The following SLC30A9 variants were observed in gnomAD, a reference collection of about 807,000 sequenced individuals.
SLC30A9 encodes the protein proton-coupled zinc antiporter SLC30A9, mitochondrial.
Under a neutral mutation model 87.5 loss-of-function variants are expected in SLC30A9, and 58 were observed. That is an observed-to-expected ratio of 0.66 (90% confidence interval 0.54 to 0.82). The LOEUF (loss-of-function observed/expected upper bound fraction) is 0.82. Ranked by LOEUF, SLC30A9 falls within the 40% of genes least tolerant of loss-of-function variation. The pLI is 0.00. For synonymous variants in SLC30A9, 234 were observed against 233.0 expected, an observed-to-expected ratio of 1.00 and a Z score of -0.04; for missense variants, 557 against 679.1, an observed-to-expected ratio of 0.82 and a Z score of 2.00.
At chr4:42,050,570 T>C (rs1717343711) in intron 9 of SLC30A9, among the ~76,000 whole-genome samples, 1 of 152,206 alleles carries the variant, frequency 6.6e-6, no homozygotes, top group South Asian at 2.1e-4. Context: ...TTAAAAAGAA[T>C]GTAGTAGATA....
intron 11 of SLC30A9, 53 bp from the exon 12 acceptor site, chr4:42,065,257 A>C (rs1718034836): frequency 1.1e-6 from 1 of 911,992 alleles, no homozygotes; most frequent in Non-Finnish European, 1.8e-6. Flanking sequence ...ATATATGAAC[A>C]ATTGTGATTG....
At chr4:42,077,252 A>G (rs1421902248) in intron 16 of SLC30A9, among the ~76,000 whole-genome samples, 1 of 152,258 alleles carries the variant, frequency 6.6e-6, no homozygotes, top group African/African-American at 2.4e-5. Flanking sequence ...GTGAAATAGT[A>G]TCTTGTTCTA....
chr4:42,012,269 A>G (rs1715477750), intron 2 of SLC30A9, among the ~76,000 whole-genome samples: 1 of 152,198 alleles, frequency 6.6e-6, no homozygotes, highest in African/African-American at 2.4e-5. Context: ...CTACTGAAGT[A>G]GACTTTTTAC....
chr4:41,996,831 C>G (rs927984002), intron 1 of SLC30A9, among the ~76,000 whole-genome samples: 17 of 152,004 alleles, frequency 1.1e-4, no homozygotes, highest in African/African-American at 3.9e-4. Context: ...GTTAGGAGTT[C>G]AAGACCAGTC....
chr4:42,027,061 G>A (rs1038851782), intron 6 of SLC30A9, among the ~76,000 whole-genome samples: 1 of 152,016 alleles, frequency 6.6e-6, no homozygotes, highest in African/African-American at 2.4e-5. Context: ...AATAACTTTT[G>A]CCGGTGTTAC....
At chr4:42,084,672 C>A (rs1718859678) in intron 17 of SLC30A9, among the ~76,000 whole-genome samples, 1 of 152,132 alleles carries the variant, frequency 6.6e-6, no homozygotes, top group Admixed American at 6.5e-5. Context: ...GGGGTTTCAT[C>A]ATGTTGGCCA....
chr4:42,054,615 C>T (rs113916849), intron 9 of SLC30A9, among the ~76,000 whole-genome samples: 347 of 151,896 alleles, frequency 2.3e-3, no homozygotes, highest in Non-Finnish European at 3.4e-3. Flanking sequence ...CTCAGCCTCC[C>T]GAGTAGCTGG....
chr4:42,010,687 G>T (rs1715402046), intron 2 of SLC30A9, among the ~76,000 whole-genome samples: 1 of 152,118 alleles, frequency 6.6e-6, no homozygotes, highest in African/African-American at 2.4e-5. Context: ...TAACTCAATG[G>T]ATAGGCAGAA....
chr4:42,048,076 G>C lies in SLC30A9; in HGVS notation c.738-1301G>C, dbSNP rs548943992. On this transcript the variant is annotated intron_variant, in intron 8 of 17. Coordinates refer to ENST00000264451, the MANE Select transcript of SLC30A9 (RefSeq NM_006345.4). ...GGAATATCACACACTGGGGCCTATT[G>C]GGGGGTGGGTGGCTAGGGGAGGGAT... Among the ~76,000 whole-genome samples, 15 of 152,112 alleles carry C rather than the reference G, an allele frequency of 9.9e-5. 1 individual carries two copies. In the South Asian group the frequency reaches 2.9e-3, roughly 30 times the overall value.
rs184996470 is a variant in SLC30A9 at position 42,024,290 on chromosome 4, G to C, written c.610+906G>C. Among the ~76,000 whole-genome samples, 159 of 152,260 alleles carry C rather than the reference G, an allele frequency of 1.0e-3. 1 individual carries two copies. The highest frequency in any genetic ancestry group is 2.0e-3 in the Non-Finnish European group (134 of 68,026). On this transcript the variant is annotated intron_variant, in intron 6 of 17. Coordinates refer to ENST00000264451, the MANE Select transcript of SLC30A9 (RefSeq NM_006345.4). ...GGAGGCTGAGGTGGGAGGATCACTT[G>C]AGCCCAGGAGTTTGAGACCACCCTG... is the stretch of plus-strand genomic sequence containing the variant.
intron 17 of SLC30A9, among the ~76,000 whole-genome samples, chr4:42,085,808 T>G (rs973085458): frequency 5.3e-5 from 8 of 151,970 alleles, no homozygotes; most frequent in African/African-American, 1.9e-4. Flanking sequence ...TTCCAGTGCT[T>G]CGCAATGCTT....
At chr4:42,040,452 A>T (rs969158587) in intron 8 of SLC30A9, among the ~76,000 whole-genome samples, 1 of 152,050 alleles carries the variant, frequency 6.6e-6, no homozygotes, top group African/African-American at 2.4e-5. Flanking sequence ...AACTAAAGCC[A>T]TAAAAGTAAA....
chr4:42,035,708 T>C (rs12647549), intron 7 of SLC30A9, among the ~76,000 whole-genome samples: 99,102 of 151,796 alleles, frequency 0.65, 36,842 homozygotes, highest in East Asian at 0.96. Flanking sequence ...GTTGGCTAGG[T>C]GGGTCTTGAA....
intron 9 of SLC30A9, among the ~76,000 whole-genome samples, chr4:42,059,526 A>C (rs1195443174): frequency 6.6e-6 from 1 of 152,166 alleles, no homozygotes; most frequent in Non-Finnish European, 1.5e-5. Context: ...AGAATATGAT[A>C]TATAATTCCT....
At chr4:41,996,555 A>G (rs1187828789) in intron 1 of SLC30A9, among the ~76,000 whole-genome samples, 1 of 151,868 alleles carries the variant, frequency 6.6e-6, no homozygotes, top group Non-Finnish European at 1.5e-5. Flanking sequence ...CCTGGGCAAC[A>G]TGGCAAAATC....
intron 6 of SLC30A9, chr4:42,030,000 T>C: frequency 1.1e-6 from 1 of 893,856 alleles, no homozygotes; most frequent in Non-Finnish European, 1.8e-6. Flanking sequence ...TGTTGTACAG[T>C]TCACCAACCT....
At chr4:42,015,030 A>G (rs981512742) in intron 2 of SLC30A9, among the ~76,000 whole-genome samples, 3 of 151,726 alleles carry the variant, frequency 2.0e-5, no homozygotes, top group African/African-American at 7.3e-5. Context: ...AATTTATTGT[A>G]CATTTAAAAA....
At chr4:42,037,150 C>T (rs1056702979) in intron 7 of SLC30A9, among the ~76,000 whole-genome samples, 2 of 151,500 alleles carry the variant, frequency 1.3e-5, no homozygotes, top group African/African-American at 4.9e-5. Context: ...CCCCTATTCC[C>T]TTTAGGAATG....
intron 9 of SLC30A9, among the ~76,000 whole-genome samples, chr4:42,053,960 G>T (rs1186793265): frequency 6.6e-6 from 1 of 152,158 alleles, no homozygotes; most frequent in Non-Finnish European, 1.5e-5. Context: ...TGATGTCGGG[G>T]AGGAAAGAGG....
Sources: allele counts gnomAD v4.1 joint callset (sites outside exome capture counted in the v4.1 genomes callset), GRCh38; gene constraint gnomAD v4.1.1; transcripts MANE v1.5; gene names NCBI Gene and HGNC (gene_info 2026-07-23, HGNC 2026-07-21).